OTUD7A: variants seen among roughly 807,000 people sequenced by gnomAD.
OTUD7A encodes the protein OTU domain-containing protein 7A.
Under a neutral mutation model 65.7 loss-of-function variants are expected in OTUD7A, and 12 were observed. The ratio of observed to expected loss-of-function variants is 0.18; its 90% confidence interval spans 0.12 to 0.30. The LOEUF (loss-of-function observed/expected upper bound fraction) is 0.30, where lower values mean the gene tolerates loss of function less well. Ranked by LOEUF, OTUD7A falls within the 10% of genes least tolerant of loss-of-function variation. The pLI, the probability that OTUD7A is intolerant of heterozygous loss-of-function variation, is 1.00. For missense variants in OTUD7A, 1,148 were observed against 1,304.8 expected, an observed-to-expected ratio of 0.88 and a Z score of 1.85; for synonymous variants, 641 against 586.3, an observed-to-expected ratio of 1.09 and a Z score of -1.35.
intron 1 of OTUD7A, among the ~76,000 whole-genome samples, chr15:31,823,331 G>T (rs1896730568): frequency 1.3e-5 from 2 of 152,088 alleles, no homozygotes; most frequent in Admixed American, 1.3e-4. Flanking sequence ...CATCCCCAGG[G>T]GTGTGGCCTT....
intron 1 of OTUD7A, among the ~76,000 whole-genome samples, chr15:31,865,537 T>G (rs1043822768): frequency 1.3e-5 from 2 of 152,208 alleles, no homozygotes; most frequent in African/African-American, 2.4e-5. Context: ...AGAACTTAAT[T>G]CATAGAAAGT....
At chr15:31,604,027 A>T (rs1890162024) in intron 3 of OTUD7A, among the ~76,000 whole-genome samples, 1 of 152,248 alleles carries the variant, frequency 6.6e-6, no homozygotes, top group African/African-American at 2.4e-5. Flanking sequence ...ATTGTGGAAG[A>T]CAGTGTGGCG....
chr15:31,779,065 C>G (rs1567018831), intron 1 of OTUD7A, among the ~76,000 whole-genome samples: 2 of 152,202 alleles, frequency 1.3e-5, no homozygotes, highest in Non-Finnish European at 2.9e-5. Flanking sequence ...TCTAAATACT[C>G]CATTTCCACA....
intron 1 of OTUD7A, among the ~76,000 whole-genome samples, chr15:31,734,787 A>G (rs551790985): frequency 6.6e-6 from 1 of 152,042 alleles, no homozygotes; most frequent in East Asian, 1.9e-4. Context: ...TGTAAAACCC[A>G]AAACTATAAA....
chr15:31,790,224 T>TA (rs1345425154), intron 1 of OTUD7A, among the ~76,000 whole-genome samples: 1 of 152,120 alleles, frequency 6.6e-6, no homozygotes, highest in East Asian at 1.9e-4. Context: ...GCAGGGCCTG[T>TA]AAAAACTAGG....
intron 3 of OTUD7A, among the ~76,000 whole-genome samples, chr15:31,622,616 A>C (rs1439305593): frequency 1.3e-5 from 2 of 152,196 alleles, no homozygotes; most frequent in Non-Finnish European, 2.9e-5. Flanking sequence ...CAGCTCCATC[A>C]GGTCATTTAA....
intron 1 of OTUD7A, chr15:31,767,281 C>A (rs1483450916): frequency 3.1e-5 from 26 of 837,144 alleles, no homozygotes; most frequent in Non-Finnish European, 5.1e-5. Context: ...ACAACTACCA[C>A]GAAATGAAAC....
chr15:31,808,136 C>CACACAAAAA (rs772574742), intron 1 of OTUD7A, among the ~76,000 whole-genome samples: 175 of 119,500 alleles, frequency 1.5e-3, no homozygotes, highest in African/African-American at 4.8e-3. Context: ...CACACACACA[C>CACACAAAAA]AAACAAATCC....
intron 3 of OTUD7A, among the ~76,000 whole-genome samples, chr15:31,637,646 G>A (rs1489831003): frequency 6.6e-6 from 1 of 152,224 alleles, no homozygotes; most frequent in Non-Finnish European, 1.5e-5. Flanking sequence ...CTTCTGGAAA[G>A]GATTCACAAC....
intron 3 of OTUD7A, among the ~76,000 whole-genome samples, chr15:31,577,343 CCTTAT>C (rs763983407): frequency 6.6e-6 from 1 of 152,160 alleles, no homozygotes; most frequent in Non-Finnish European, 1.5e-5. Context: ...TCCACAATCC[CCTTAT>C]CTTAACTCAA....
intron 1 of OTUD7A, among the ~76,000 whole-genome samples, chr15:31,869,520 T>C (rs915578997): frequency 2.0e-5 from 3 of 152,238 alleles, no homozygotes; most frequent in African/African-American, 7.2e-5. Context: ...TACAAAGGTA[T>C]CACCTGGCGG....
At chr15:31,568,447 AT>A (rs1399965851) in intron 4 of OTUD7A, among the ~76,000 whole-genome samples, 2 of 152,118 alleles carry the variant, frequency 1.3e-5, no homozygotes, top group Non-Finnish European at 2.9e-5. Context: ...CTTGTTTTTG[AT>A]TTTACAGGCT....
intron 3 of OTUD7A, among the ~76,000 whole-genome samples, chr15:31,623,267 G>A (rs1245224277): frequency 6.6e-6 from 1 of 152,188 alleles, no homozygotes; most frequent in African/African-American, 2.4e-5. Flanking sequence ...CTCCGTGCTG[G>A]GAGAACCACT....
chr15:31,597,285 T>A (rs1889933700), intron 3 of OTUD7A, among the ~76,000 whole-genome samples: 3 of 152,176 alleles, frequency 2.0e-5, no homozygotes, highest in Non-Finnish European at 4.4e-5. Context: ...GAAATTCAAT[T>A]CATCATTTGT....
chr15:31,725,943 C>T (rs1893870578), intron 1 of OTUD7A, among the ~76,000 whole-genome samples: 1 of 152,092 alleles, frequency 6.6e-6, no homozygotes, highest in Non-Finnish European at 1.5e-5. Flanking sequence ...CTGTATCTAA[C>T]TTAAACTAAT....
At chr15:31,745,619 T>C (rs143454895) in intron 1 of OTUD7A, among the ~76,000 whole-genome samples, 1 of 152,244 alleles carries the variant, frequency 6.6e-6, no homozygotes, top group African/African-American at 2.4e-5. Flanking sequence ...ATCTTCACAA[T>C]TGGGGGTAGC....
rs893058200 is a variant in OTUD7A at position 31,498,060 on chromosome 15, A to T, written c.1171+3630T>A. 6.6e-6 allele frequency among the ~76,000 whole-genome samples: 1 copy of T among 152,202 alleles called. No individual in the cohort carries two copies. Among genetic ancestry groups the T allele is most frequent in the African/African-American group, 2.4e-5 (1 of 41,448 alleles). On this transcript the variant is annotated intron_variant, in intron 10 of 12. Transcript: ENST00000307050. This position sits in a 1 kb window ranked among gnomAD's most constrained non-coding sequence, Gnocchi z 4.2. ...ACATGGGTATGCTCTGCACGGCTCTATATCCACCCAAAGGGAAGAGGAGCT... is the reference window on the plus strand; with the variant it reads ...ACATGGGTATGCTCTGCACGGCTCTTTATCCACCCAAAGGGAAGAGGAGCT...
intron 5 of OTUD7A, among the ~76,000 whole-genome samples, chr15:31,555,591 T>A (rs1372810895): frequency 6.6e-6 from 1 of 152,138 alleles, no homozygotes; most frequent in African/African-American, 2.4e-5. Context: ...TGCTTTCCAG[T>A]GACCAAACTC....
chr15:31,549,705 G>C (rs188929665), intron 5 of OTUD7A, among the ~76,000 whole-genome samples: 2 of 152,180 alleles, frequency 1.3e-5, no homozygotes, highest in Non-Finnish European at 2.9e-5. Context: ...AGGGAAAGGG[G>C]GAGAGAGGAG....
Sources: allele counts gnomAD v4.1 joint callset (sites outside exome capture counted in the v4.1 genomes callset), GRCh38; gene constraint gnomAD v4.1.1; non-coding constraint Gnocchi (gnomAD v3.1); transcripts MANE v1.5; gene names NCBI Gene and HGNC (gene_info 2026-07-23, HGNC 2026-07-21).